Variants in ZNF365 observed in about 807,000 individuals in gnomAD.
ZNF365 encodes the protein zinc finger protein 365.
ZNF365 carries 22 observed loss-of-function variants against 35.0 expected under a neutral mutation model. That is an observed-to-expected ratio of 0.63 (90% CI 0.45 to 0.90). The LOEUF (loss-of-function observed/expected upper bound fraction) is 0.90. Among genes scored for constraint, ZNF365 ranks in the 40% least tolerant of loss-of-function variants. The probability of loss-of-function intolerance (pLI) is 0.00; values close to 1 mark genes in which losing one functional copy is unlikely to be tolerated. For synonymous variants in ZNF365, 188 were observed against 196.2 expected (o/e 0.96, Z 0.35); for missense variants, 448 against 500.3 (o/e 0.90, Z 1.00).
chr10:62,457,996 C>T (rs1192468729), intron 3 of ZNF365, among the ~76,000 whole-genome samples: 1 of 152,228 alleles, frequency 6.6e-6, no homozygotes, highest in East Asian at 1.9e-4. Context: ...AGGGAGACAT[C>T]TTATTTTCTT....
At chr10:62,383,587 G>A (rs577511554) in intron 2 of ZNF365, among the ~76,000 whole-genome samples, 70 of 152,320 alleles carry the variant, frequency 4.6e-4, no homozygotes, top group Middle Eastern at 3.4e-3. Flanking sequence ...TAGGATCAAC[G>A]TGTTGTCACT....
rs532662064 is a variant in ZNF365, at chr10:62,375,942, C to T, written c.-13-239C>T. ...ATAGAGTCTCTGTCTCAGTTACTCA[C>T]CACTGCCATTGTGGTTTACAATAAA... On this transcript the variant is annotated intron_variant, in intron 1 of 4. Transcript: ENST00000395254. The T allele has an allele frequency of 1.7e-5, 8 of 472,450 alleles. No homozygotes were observed. In the Admixed American group the frequency reaches 2.2e-4, roughly 13 times the overall value. The allele number at this position is 472,450 out of a possible 1,614,324, so 29.3% of individuals were successfully genotyped here.
At chr10:62,417,357 T>C (rs1840091424) in intron 3 of ZNF365, among the ~76,000 whole-genome samples, 1 of 152,058 alleles carries the variant, frequency 6.6e-6, no homozygotes, top group Admixed American at 6.6e-5. Context: ...ATAAAACATT[T>C]AATAGTCTTT....
At chr10:62,462,560 G>T (rs550619217) in intron 4 of ZNF365, among the ~76,000 whole-genome samples, 12 of 152,298 alleles carry the variant, frequency 7.9e-5, no homozygotes, top group Non-Finnish European at 1.6e-4. Flanking sequence ...TGTAGACTGC[G>T]ACAATTGCTA....
At position 62,400,253 on chromosome 10, in the gene ZNF365, A is replaced by G. The variant is rs1839804094; in HGVS notation, c.*464A>G. ...AAAATGAAAATATTTGTGTTTGTGT[A>G]TAACCTTCCCCTCAGCTAATTTGAA... On this transcript the variant is annotated 3_prime_UTR_variant, in exon 5 of 5. Transcript: ENST00000395254. The G allele has an allele frequency of 8.1e-6, 8 of 988,476 alleles. No individual in the cohort carries two copies. Among genetic ancestry groups the G allele is most frequent in the Non-Finnish European group, 8.4e-6 (7 of 831,598 alleles). 61.2% of individuals were successfully genotyped at this position (988,476 alleles called of 1,614,324 possible).
At chr10:62,390,895 A>C (rs1839616574) in intron 3 of ZNF365, among the ~76,000 whole-genome samples, 1 of 152,236 alleles carries the variant, frequency 6.6e-6, no homozygotes, top group African/African-American at 2.4e-5. Flanking sequence ...TGATATTTAA[A>C]AAAGGTAAGA....
chr10:62,379,641 C>A (rs1839400929), intron 2 of ZNF365, among the ~76,000 whole-genome samples: 1 of 152,076 alleles, frequency 6.6e-6, no homozygotes, highest in African/African-American at 2.4e-5. Flanking sequence ...GGCCTCCCCA[C>A]CCCCGCACCC....
At chr10:62,457,446 GA>G (rs1840779003) in intron 3 of ZNF365, among the ~76,000 whole-genome samples, 1 of 152,206 alleles carries the variant, frequency 6.6e-6, no homozygotes, top group Non-Finnish European at 1.5e-5. Flanking sequence ...CATGGGTGTA[GA>G]ATTACATTCA....
At chr10:62,418,962 T>G (rs569111579) in intron 3 of ZNF365, among the ~76,000 whole-genome samples, 1 of 152,196 alleles carries the variant, frequency 6.6e-6, no homozygotes, top group Admixed American at 6.5e-5. Flanking sequence ...CAAAGAACCT[T>G]AAGCACATAG....
chr10:62,455,174 G>C (rs1334573784), intron 3 of ZNF365, among the ~76,000 whole-genome samples: 1 of 152,162 alleles, frequency 6.6e-6, no homozygotes, highest in East Asian at 1.9e-4. Context: ...TATAAATGTT[G>C]TGCTGTGGAA....
intron 4 of ZNF365, chr10:62,479,742 A>G (rs1180954134): frequency 9.1e-6 from 6 of 660,908 alleles, no homozygotes; most frequent in Non-Finnish European, 1.6e-5. Flanking sequence ...GTTTGGCAGC[A>G]CATAAGTGAA....
intron 3 of ZNF365, among the ~76,000 whole-genome samples, chr10:62,409,123 C>T (rs1839947760): frequency 6.6e-6 from 1 of 152,140 alleles, no homozygotes; most frequent in South Asian, 2.1e-4. Context: ...GACTTAGAAT[C>T]TGCCTATCAG....
At chr10:62,387,061 G>A (rs573391975) in intron 2 of ZNF365, among the ~76,000 whole-genome samples, 4 of 152,272 alleles carry the variant, frequency 2.6e-5, no homozygotes, top group South Asian at 2.1e-4. Flanking sequence ...ACTACCCAAC[G>A]GACAGTAAAA....
At chr10:62,480,089 C>A (rs767308890) in exon 5 of ZNF365, 176 of 1,316,370 alleles carry the variant, frequency 1.3e-4, no homozygotes, top group Non-Finnish European at 1.7e-4. Flanking sequence ...GATGGATGAG[C>A]TCCAGGTCCT....
At chr10:62,464,952 G>A (rs1840914255) in intron 4 of ZNF365, among the ~76,000 whole-genome samples, 1 of 152,232 alleles carries the variant, frequency 6.6e-6, no homozygotes, top group South Asian at 2.1e-4. Context: ...CCGGAAGCAG[G>A]TGGTGCCAAC....
Position 62,376,811 on chromosome 10 carries a change from G to A in ZNF365, c.618G>A (p.Gln206=). Residue 206 remains glutamine, a synonymous_variant, in exon 2 of 5, where the codon CAG becomes CAA. Transcript: ENST00000395254. ...EVRAAFVQLT[Q]KKQEVQRRER... The stretch of plus-strand genomic sequence containing the variant: ...GGGCAGCTTTTGTGCAGCTGACTCA[G>A]AAAAAGCAGGAAGTTCAGAGACGAG... 6.2e-7 allele frequency: 1 copy of A among 1,614,198 alleles called. No homozygotes were observed. Among genetic ancestry groups the A allele is most frequent in the Non-Finnish European group, 8.5e-7 (1 of 1,180,042 alleles).
At chr10:62,461,147 G>A (rs1201196199) in intron 4 of ZNF365, among the ~76,000 whole-genome samples, 1 of 152,162 alleles carries the variant, frequency 6.6e-6, no homozygotes, top group African/African-American at 2.4e-5. Flanking sequence ...TTCTAGGGCT[G>A]ATCCTCCCAG....
At chr10:62,454,693 A>G (rs1239254511) in intron 3 of ZNF365, among the ~76,000 whole-genome samples, 1 of 151,332 alleles carries the variant, frequency 6.6e-6, no homozygotes, top group South Asian at 2.1e-4. Flanking sequence ...AACATTTACT[A>G]TCTTAATTAA....
intron 3 of ZNF365, among the ~76,000 whole-genome samples, chr10:62,418,211 A>G (rs1840105686): frequency 6.6e-6 from 1 of 152,056 alleles, no homozygotes; most frequent in African/African-American, 2.4e-5. Context: ...ACCCTGGTCA[A>G]TATTTCTTTT....
Sources: allele counts gnomAD v4.1 joint callset (sites outside exome capture counted in the v4.1 genomes callset), GRCh38; gene constraint gnomAD v4.1.1; transcripts MANE v1.5; gene names NCBI Gene and HGNC (gene_info 2026-07-23, HGNC 2026-07-21).